The following SYNE1 variants were observed in gnomAD, a reference collection of about 807,000 sequenced individuals.
SYNE1 encodes the protein spectrin repeat containing nuclear envelope protein 1.
In SYNE1, 616 loss-of-function variants were observed where a neutral mutation model predicts 1,111.0. The ratio of observed to expected loss-of-function variants is 0.55; its 90% CI spans 0.52 to 0.59. SYNE1 has a LOEUF of 0.59. SYNE1 is among the 20% of genes least tolerant of loss of function. The pLI is 0.00. For synonymous variants in SYNE1, 3,855 were observed against 3,825.8 expected (o/e 1.01, Z -0.28); for missense variants, 10,006 against 10,417.0 (o/e 0.96, Z 1.72).
Position 152,123,919 on chromosome 6 carries a change from C to T in SYNE1, c.26154-1243G>A, listed in dbSNP as rs140921896. ...TTCTGAAGACAGACTACCCTAATATCGGTGGGGGATGCGGAGTGACACCTA... is the reference window on the plus strand; with the variant it reads ...TTCTGAAGACAGACTACCCTAATATTGGTGGGGGATGCGGAGTGACACCTA... On this transcript the variant is annotated intron_variant, in intron 145 of 145. Coordinates refer to ENST00000367255, the MANE Select transcript of SYNE1 (RefSeq NM_182961.4). Among the ~76,000 whole-genome samples the T allele has an allele frequency of 2.6e-5, 4 of 152,262 alleles. No homozygotes were observed. In the East Asian group the frequency reaches 7.7e-4, roughly 29 times the overall value.
intron 5 of SYNE1, among the ~76,000 whole-genome samples, chr6:152,523,570 T>G (rs2099150519): frequency 6.6e-6 from 1 of 152,168 alleles, no homozygotes; most frequent in East Asian, 1.9e-4. Flanking sequence ...TTAGAATTGT[T>G]TTTTCTAATT....
At chr6:152,180,013 T>C in intron 129 of SYNE1, 123 bp downstream of exon 129, 3 of 1,092,416 alleles carry the variant, frequency 2.7e-6, no homozygotes, top group East Asian at 2.5e-5. Context: ...AAAGATAAAA[T>C]GTTTAAAATA....
At chr6:152,221,127 C>A in intron 118 of SYNE1, 81 bp from the exon 119 acceptor site, 1 of 1,412,148 alleles carries the variant, frequency 7.1e-7, no homozygotes, top group Non-Finnish European at 9.9e-7. Flanking sequence ...TTTTCATGAT[C>A]CTGGTTCATG....
intron 43 of SYNE1, 124 bp from the exon 44 acceptor site, chr6:152,409,350 A>T: frequency 9.3e-7 from 1 of 1,077,256 alleles, no homozygotes; most frequent in Non-Finnish European, 1.4e-6. Flanking sequence ...TAGTGAGATT[A>T]ATTAACTATA....
At chr6:152,604,392 T>C (rs1676552179) in intron 3 of SYNE1, among the ~76,000 whole-genome samples, 1 of 152,118 alleles carries the variant, frequency 6.6e-6, no homozygotes, top group Non-Finnish European at 1.5e-5. Flanking sequence ...AGCCTTGACC[T>C]CCTGGGCTCA....
intron 45 of SYNE1, chr6:152,404,813 T>C (rs777142204): frequency 4.6e-5 from 7 of 153,548 alleles, no homozygotes; most frequent in Non-Finnish European, 8.7e-5. Flanking sequence ...TTCATTACGA[T>C]ATTGATACAT....
chr6:152,461,974 T>C (rs2154265898), intron 20 of SYNE1, among the ~76,000 whole-genome samples: 1 of 152,222 alleles, frequency 6.6e-6, no homozygotes, highest in Non-Finnish European at 1.5e-5. Flanking sequence ...TTAGCTGAAA[T>C]GATCTTTGTA....
intron 44 of SYNE1, 150 bp from the exon 45 acceptor site, chr6:152,407,346 C>A: frequency 2.7e-6 from 2 of 750,214 alleles, no homozygotes; most frequent in Non-Finnish European, 4.5e-6. Context: ...TAAGTGCACC[C>A]AACTCACGTA....
chr6:152,293,168 A>G (rs541805933), intron 95 of SYNE1, among the ~76,000 whole-genome samples: 9 of 152,340 alleles, frequency 5.9e-5, no homozygotes, highest in African/African-American at 2.2e-4. Context: ...GTGATAATGG[A>G]GGGGCACCCC....
At chr6:152,194,699 C>T (rs1164132976) in intron 127 of SYNE1, among the ~76,000 whole-genome samples, 2 of 152,012 alleles carry the variant, frequency 1.3e-5, no homozygotes, top group East Asian at 1.9e-4. Context: ...GATTTTTATT[C>T]CTCTTCATTT....
chr6:152,323,243 G>A (rs1199423530), intron 82 of SYNE1, among the ~76,000 whole-genome samples: 1 of 152,152 alleles, frequency 6.6e-6, no homozygotes, highest in Non-Finnish European at 1.5e-5. Context: ...GAGGTCAGGA[G>A]ATCAAGACCA....
At chr6:152,555,574 A>C (rs1407726027) in intron 3 of SYNE1, among the ~76,000 whole-genome samples, 1 of 152,172 alleles carries the variant, frequency 6.6e-6, no homozygotes, top group Admixed American at 6.5e-5. Flanking sequence ...ATGTATCTTC[A>C]TTGTTAAGCA....
In SYNE1 at chr6:152,435,929, T is replaced by A. The variant is rs375273445; in HGVS notation, c.4310+12A>T. 1 of 1,614,062 alleles carries A rather than the reference T, an allele frequency of 6.2e-7. No individual in the cohort carries two copies. Among genetic ancestry groups the A allele is most frequent in the Middle Eastern group, 1.7e-4 (1 of 6,060 alleles). ...CTCAGAGAAGAAAGTTTAGGACTTG[T>A]CAATCACATACTCTTCTTCAAGCGT... On this transcript the variant is annotated intron_variant, in intron 33 of 145. Transcript: ENST00000367255.
chr6:152,415,123 A>G (rs977996112), intron 41 of SYNE1, among the ~76,000 whole-genome samples: 3 of 152,152 alleles, frequency 2.0e-5, no homozygotes, highest in Non-Finnish European at 4.4e-5. Flanking sequence ...TTGCCCACTG[A>G]AAAAAATGGA....
chr6:152,592,104 A>C (rs898774636), intron 3 of SYNE1, among the ~76,000 whole-genome samples: 1 of 152,184 alleles, frequency 6.6e-6, no homozygotes, highest in African/African-American at 2.4e-5. Context: ...TTTGGAAAGC[A>C]GTTTGGAGAT....
At chr6:152,372,110 T>A (rs999132955) in intron 59 of SYNE1, among the ~76,000 whole-genome samples, 1 of 152,150 alleles carries the variant, frequency 6.6e-6, no homozygotes, top group Non-Finnish European at 1.5e-5. Context: ...TAGATAACCT[T>A]GTAATCAATG....
chr6:152,221,191 TTCCTAGTTTCAGGGTAGGTAATGAG>T, intron 118 of SYNE1, 145 bp from the exon 119 acceptor site: 1 of 1,117,240 alleles, frequency 9.0e-7, no homozygotes, highest in South Asian at 1.4e-5. Context: ...ATGTTTCATA[TTCCTAGTTTCAGGGTAGGTAATGAG>T]GATGATGGCA....
At chr6:152,204,174 G>A (rs2076055477) in intron 126 of SYNE1, among the ~76,000 whole-genome samples, 1 of 151,978 alleles carries the variant, frequency 6.6e-6, no homozygotes. Flanking sequence ...AGACCAGCCT[G>A]GCCAACATGG....
At chr6:152,393,165 C>T (rs1342336152) in intron 51 of SYNE1, among the ~76,000 whole-genome samples, 2 of 152,032 alleles carry the variant, frequency 1.3e-5, no homozygotes. Context: ...GCGAAAAAGT[C>T]GCAATTATTA....
Sources: gnomAD v4.1 joint callset for allele counts (sites outside exome capture counted in the v4.1 genomes callset) on GRCh38, gnomAD v4.1.1 for gene constraint, MANE v1.5 for transcripts, NCBI Gene and HGNC (gene_info 2026-07-23, HGNC 2026-07-21) for gene names.